The following EPN3 variants were observed in gnomAD, a reference collection of about 807,000 sequenced individuals.
The protein encoded by EPN3 is epsin 3.
A neutral mutation model predicts 55.5 loss-of-function variants in EPN3; 56 were observed. The observed-to-expected ratio is 1.01, with a 90% CI of 0.81 to 1.26. The LOEUF (loss-of-function observed/expected upper bound fraction) is 1.26. EPN3 is among the 50% of genes most tolerant of loss of function. The pLI is 0.00. For synonymous variants in EPN3, 449 were observed against 375.2 expected, an observed-to-expected ratio of 1.20 and a Z score of -2.27; for missense variants, 927 against 853.4, an observed-to-expected ratio of 1.09 and a Z score of -1.07.
chr17:50,539,165 A>C (rs1175009729), intron 4 of EPN3, 22 bp from the exon 5 acceptor site: 6 of 1,612,926 alleles, frequency 3.7e-6, no homozygotes, highest in Non-Finnish European at 5.1e-6. Flanking sequence ...CATGCTCCTA[A>C]CTCTTTCTGT....
intron 4 of EPN3, 27 bp downstream of exon 4, chr17:50,538,991 C>A: frequency 1.3e-6 from 2 of 1,576,686 alleles, no homozygotes; most frequent in Non-Finnish European, 1.7e-6. Context: ...GCTGGGCTGC[C>A]GGTGCTGCTG....
rs181436940 is a variant in EPN3 at position 50,538,042 on chromosome 17, T to C, written c.563-37T>C. The C allele has an allele frequency of 1.7e-4, 263 of 1,531,822 alleles. 1 individual carries two copies. The African/African-American group carries it at 2.7e-3, about 16-fold the overall frequency. 94.9% of individuals were successfully genotyped at this position (1,531,822 alleles called of 1,614,324 possible). A position where few individuals can be genotyped will look rare whatever the true frequency, so the allele number is the denominator to read the frequency against. ...GCAGAGGGGTGTGGGAGCCGATGGG[T>C]AATCGTGTGGTCACAGAGACATGAT... On this transcript the variant is annotated intron_variant, in intron 2 of 9. Coordinates refer to ENST00000268933, the MANE Select transcript of EPN3 (RefSeq NM_017957.3).
chr17:50,541,152 C>A, intron 7 of EPN3, 77 bp from the exon 8 acceptor site: 2 of 1,601,602 alleles, frequency 1.2e-6, no homozygotes, highest in Non-Finnish European at 8.5e-7. Flanking sequence ...GTTAGGAGGA[C>A]AGCTTCTCTG....
Position 50,538,138 on chromosome 17 carries a change from G to C in EPN3, c.622G>C (p.Gly208Arg). The C allele has an allele frequency of 6.2e-7, 1 of 1,613,924 alleles. No homozygotes were observed. The highest frequency in any genetic ancestry group is 1.3e-5 in the African/African-American group (1 of 75,082). ...GGAGCAGGCCCGGCCTCAGACGTCA[G>C]GGGAAGAGGAACTGCAGCTGCAGCT... is the stretch of plus-strand genomic sequence containing the variant. ...DLEQARPQTS[G>R]EEELQLQLAL... The change falls in exon 3 of 10, where the codon GGG (glycine) becomes CGG (arginine). Residue 208 changes from glycine to arginine, a missense_variant. Transcript: ENST00000268933.
chr17:50,534,732 T>A, intron 1 of EPN3: 1 of 838,944 alleles, frequency 1.2e-6, no homozygotes, highest in Non-Finnish European at 1.4e-6. Flanking sequence ...CAACAAAACC[T>A]GCCAAGGCAT....
rs1351188319 is a variant in EPN3 at position 50,536,497 on chromosome 17, T to C, written c.-60T>C. The C allele has an allele frequency of 6.2e-7, 1 of 1,604,126 alleles. No homozygotes were observed. Among genetic ancestry groups the C allele is most frequent in the Non-Finnish European group, 8.5e-7 (1 of 1,178,250 alleles). The stretch of plus-strand genomic sequence containing the variant: ...CTTCAAGACTGTGACCTCGCCACAG[T>C]GGCCCTCAGCCCTCCACCTCCGGCG... On this transcript the variant is annotated 5_prime_UTR_variant, in exon 2 of 10. Coordinates refer to ENST00000268933, the MANE Select transcript of EPN3 (RefSeq NM_017957.3).
At position 50,536,597 on chromosome 17, in the gene EPN3, T is replaced by C. The variant is rs942895418; in HGVS notation, c.41T>C (p.Val14Ala). ...SALRRQVKNIVHNYSEAEIKV... is the reference protein window; with the variant it reads ...SALRRQVKNIAHNYSEAEIKV... ...CTCCGGCGCCAGGTGAAGAACATCG[T>C]GCACAACTACTCCGAGGCAGAAATC... The change falls in exon 2 of 10, where the codon GTG becomes GCG. Residue 14 changes from valine to alanine, a missense_variant. Val to Ala is a moderately conservative substitution (Grantham distance 64). Transcript: ENST00000268933. The C allele has an allele frequency of 1.2e-6, 2 of 1,613,914 alleles. No homozygotes were observed. The highest frequency in any genetic ancestry group is 1.7e-6 in the Non-Finnish European group (2 of 1,180,022).
Position 50,542,093 on chromosome 17 carries a change from C to A in EPN3, c.1835C>A (p.Pro612His), listed in dbSNP as rs2034858316. ...GCCTTCGCACCGCAGCCGCTGCTGC[C>A]CACGCCGAGCTCAGCCGGGCCGCGG... ...AGAFAPQPLL[P>H]TPSSAGPRPP... Residue 612 changes from proline to histidine, a missense_variant, in exon 10 of 10, where the codon CCC becomes CAC. Physicochemically the swap from Pro to His is moderately conservative, Grantham distance 77 (BLOSUM62 -2). Transcript: ENST00000268933. The A allele has an allele frequency of 6.4e-7, 1 of 1,567,444 alleles. No homozygotes were observed. Among genetic ancestry groups the A allele is most frequent in the East Asian group, 2.4e-5 (1 of 41,706 alleles).
In EPN3 at chr17:50,542,522, C is replaced by G. The variant is rs181210438; in HGVS notation, c.*365C>G. On this transcript the variant is annotated 3_prime_UTR_variant, in exon 10 of 10. Transcript: ENST00000268933. ...CTTCTCAACCCTCACCTCCATCCCCCGTCACCCAGGCACCTTCGCTTCCAG... is the reference window on the plus strand; with the variant it reads ...CTTCTCAACCCTCACCTCCATCCCCGGTCACCCAGGCACCTTCGCTTCCAG... The G allele has an allele frequency of 8.8e-6, 2 of 228,384 alleles. No homozygotes were observed. Among genetic ancestry groups the G allele is most frequent in the Admixed American group, 1.2e-4 (2 of 16,644 alleles). The allele number at this position is 228,384 out of a possible 1,614,324, so 14.1% of individuals were successfully genotyped here. A position where few individuals can be genotyped will look rare whatever the true frequency, so the allele number is the denominator to read the frequency against.
At chr17:50,538,588 T>C (rs1206495023) in intron 3 of EPN3, 5 of 424,656 alleles carry the variant, frequency 1.2e-5, no homozygotes, top group African/African-American at 6.1e-5. Flanking sequence ...TCTTTGCCAT[T>C]ACCTCTGTGG....
At chr17:50,540,657 G>A in intron 6 of EPN3, 136 bp from the exon 7 acceptor site, 1 of 1,210,218 alleles carries the variant, frequency 8.3e-7, no homozygotes, top group Non-Finnish European at 1.1e-6. Context: ...GCTCCAGCCT[G>A]CTGGGTGGTC....
intron 5 of EPN3, among the ~76,000 whole-genome samples, chr17:50,539,661 T>C (rs1040785075): frequency 3.9e-5 from 6 of 152,222 alleles, no homozygotes; most frequent in African/African-American, 1.2e-4. Context: ...GCTAGGATTA[T>C]GTGATACTGT....
At chr17:50,538,839 A>T in intron 3 of EPN3, 45 bp from the exon 4 acceptor site, 7 of 1,464,948 alleles carry the variant, frequency 4.8e-6, no homozygotes, top group Non-Finnish European at 6.5e-6. Context: ...TTCTGGTCCC[A>T]AGGTGGGGGT....
chr17:50,538,563 C>G, intron 3 of EPN3: 1 of 426,312 alleles, frequency 2.3e-6, no homozygotes, highest in South Asian at 6.1e-5. Flanking sequence ...CAAGGACAGG[C>G]CCCCGATATC....
intron 3 of EPN3, chr17:50,538,420 T>G (rs989684460): frequency 1.8e-6 from 1 of 562,802 alleles, no homozygotes; most frequent in Admixed American, 3.2e-5. Flanking sequence ...AGTGTACAAT[T>G]AGGGGCACAT....
chr17:50,541,875 C>A lies in EPN3; in HGVS notation c.1617C>A (p.Phe539Leu). The A allele has an allele frequency of 6.2e-7, 1 of 1,608,624 alleles. No individual in the cohort carries two copies. Among genetic ancestry groups the A allele is most frequent in the Non-Finnish European group, 8.5e-7 (1 of 1,179,974 alleles). The change falls in exon 10 of 10, where the codon TTC (phenylalanine) becomes TTA (leucine). Residue 539 changes from phenylalanine to leucine, a missense_variant. Physicochemically the swap from Phe to Leu is conservative, Grantham distance 22 (BLOSUM62 0). Coordinates refer to ENST00000268933, the MANE Select transcript of EPN3 (RefSeq NM_017957.3). ...GLSAPSPTNP[F>L]GAGEPGRPTL... is the part of the protein sequence containing the mutation. ...GCGCTCCGTCCCCCACCAACCCGTT[C>A]GGCGCGGGCGAGCCGGGCAGGCCGA...
At position 50,540,857 on chromosome 17, in the gene EPN3, G is replaced by A. The variant is rs775689337; in HGVS notation, c.1044G>A (p.Pro348=). The A allele has an allele frequency of 6.3e-5, 102 of 1,614,006 alleles. No individual in the cohort carries two copies. The highest frequency in any genetic ancestry group is 8.3e-5 in the Non-Finnish European group (98 of 1,179,998). Reference sequence around the variant, plus strand: ...GGCCTTCTGCAGACCCCTGGTCTCCGATCCCCTCAGGAACCGTCCTGTCCC... The same window carrying A: ...GGCCTTCTGCAGACCCCTGGTCTCCAATCCCCTCAGGAACCGTCCTGTCCC... ...SWGPSADPWS[P]IPSGTVLSRS... The change falls in exon 7 of 10, where the codon CCG becomes CCA. Residue 348 remains proline, a synonymous_variant. Transcript: ENST00000268933.
intron 7 of EPN3, 59 bp downstream of exon 7, chr17:50,541,121 G>A (rs960458716): frequency 6.3e-6 from 10 of 1,579,854 alleles, no homozygotes; most frequent in Middle Eastern, 1.7e-4. Context: ...GCAGGGCCAA[G>A]GGGCAGCAGA....
Position 50,539,219 on chromosome 17 carries a change from C to A in EPN3, c.795C>A (p.Pro265=). ...GGTCCTGGCAGGGTGATGGCTCCCC[C>A]ATGGCCAATGGTGCAGGGGCCGTGG... ...EVRSWQGDGS[P]MANGAGAVVH... The change falls in exon 5 of 10, where the codon CCC becomes CCA. Residue 265 remains proline (P), a synonymous_variant. Transcript: ENST00000268933. 2 of 1,614,146 alleles carry A rather than the reference C, an allele frequency of 1.2e-6. No homozygotes were observed. Among genetic ancestry groups the A allele is most frequent in the South Asian group, 1.1e-5 (1 of 91,080 alleles).
Sources: gnomAD v4.1 joint callset for allele counts (sites outside exome capture counted in the v4.1 genomes callset) on GRCh38, gnomAD v4.1.1 for gene constraint, MANE v1.5 for transcripts, NCBI Gene and HGNC (gene_info 2026-07-23, HGNC 2026-07-21) for gene names.